NBAS: variants seen among roughly 807,000 people sequenced by gnomAD.
NBAS encodes NBAS subunit of NRZ tethering complex.
Under a neutral mutation model 302.5 loss-of-function variants are expected in NBAS, and 219 were observed. The observed-to-expected ratio is 0.72, with a 90% CI of 0.65 to 0.81. The LOEUF is 0.81. NBAS is among the 30% of genes least tolerant of loss of function. The pLI is 0.00. For missense variants in NBAS, 2,932 were observed against 2,841.6 expected (o/e 1.03, Z -0.72); for synonymous variants, 1,118 against 1,021.6 (o/e 1.09, Z -1.80).
At chr2:14,962,305 C>T in the NBAS span, among the ~76,000 whole-genome samples, 1 of 152,138 alleles carries the variant, frequency 6.6e-6, no homozygotes, top group Non-Finnish European at 1.5e-5. Flanking sequence ...CCACCACGGA[C>T]AGCTCAGAGG....
chr2:15,261,073 C>A (rs1668830458), intron 44 of NBAS, among the ~76,000 whole-genome samples: 1 of 152,144 alleles, frequency 6.6e-6, no homozygotes, highest in South Asian at 2.1e-4. Flanking sequence ...CTTGCAGGAG[C>A]CAGCAAACAT....
rs142283606 is a variant in NBAS, at chr2:15,539,223, C to T, written c.513G>A (p.Pro171=). 2.5e-6 allele frequency: 4 copies of T among 1,614,112 alleles called. No homozygotes were observed. The highest frequency in any genetic ancestry group is 3.4e-6 in the Non-Finnish European group (4 of 1,180,006). ...LMGSELFVIS[P]ASSFIGDLSY... ...TTTTCAATTTAAGCTATGTACATAC[C>T]GGGGAAATGACAAAGAGTTCACTTC... Residue 171 remains proline, a splice_region_variant and synonymous_variant, in exon 7 of 52, where the codon CCG becomes CCA. Transcript: ENST00000281513.
chr2:14,849,002 T>C, the NBAS span, among the ~76,000 whole-genome samples: 1 of 150,538 alleles, frequency 6.6e-6, no homozygotes, highest in East Asian at 1.9e-4. Context: ...AACTGGAAAC[T>C]CTAAAACGCA....
At chr2:15,408,616 T>C (rs1376811605) in intron 25 of NBAS, among the ~76,000 whole-genome samples, 1 of 152,204 alleles carries the variant, frequency 6.6e-6, no homozygotes, top group African/African-American at 2.4e-5. Context: ...CTTTTTTACA[T>C]TCACATTTGA....
intron 6 of NBAS, among the ~76,000 whole-genome samples, chr2:15,550,414 C>T (rs1664320548): frequency 6.6e-6 from 1 of 152,130 alleles, no homozygotes; most frequent in South Asian, 2.1e-4. Flanking sequence ...AAATGTTTGT[C>T]ATCAACACAA....
chr2:15,483,560 A>G (rs1680514200), intron 12 of NBAS, among the ~76,000 whole-genome samples: 1 of 152,236 alleles, frequency 6.6e-6, no homozygotes. Context: ...CAATTTTACT[A>G]TATTCCAGAC....
chr2:15,079,198 T>C, the NBAS span, among the ~76,000 whole-genome samples: 1 of 152,074 alleles, frequency 6.6e-6, no homozygotes, highest in African/African-American at 2.4e-5. Flanking sequence ...CTGACCAAGC[T>C]TGGTTCTTCT....
At chr2:14,940,090 C>T in the NBAS span, among the ~76,000 whole-genome samples, 1 of 152,056 alleles carries the variant, frequency 6.6e-6, no homozygotes. Flanking sequence ...ACTAGTTTAC[C>T]CCCTACAGTA....
At chr2:14,818,960 C>A in the NBAS span, among the ~76,000 whole-genome samples, 1 of 152,200 alleles carries the variant, frequency 6.6e-6, no homozygotes, top group Admixed American at 6.5e-5. Flanking sequence ...TCTACTCATT[C>A]TTCAAGACTA....
chr2:15,263,344 T>A (rs527958031), intron 44 of NBAS, among the ~76,000 whole-genome samples: 1 of 152,256 alleles, frequency 6.6e-6, no homozygotes, highest in South Asian at 2.1e-4. Flanking sequence ...TCCGCCCGCT[T>A]CAGCTTCCCA....
At chr2:15,259,062 G>A (rs1668733707) in intron 44 of NBAS, among the ~76,000 whole-genome samples, 1 of 152,034 alleles carries the variant, frequency 6.6e-6, no homozygotes, top group Non-Finnish European at 1.5e-5. Context: ...TTGAAATATT[G>A]GGGGTGGGTT....
chr2:14,978,986 T>A, the NBAS span, among the ~76,000 whole-genome samples: 1 of 152,208 alleles, frequency 6.6e-6, no homozygotes, highest in African/African-American at 2.4e-5. Flanking sequence ...CATGGAGAGC[T>A]ATTTTCTGCT....
the NBAS span, among the ~76,000 whole-genome samples, chr2:14,930,523 G>A: frequency 6.6e-6 from 1 of 152,184 alleles, no homozygotes; most frequent in Non-Finnish European, 1.5e-5. Flanking sequence ...ATATCTGATA[G>A]AACAGAATTG....
chr2:15,363,197 C>T (rs1369739030), intron 32 of NBAS, among the ~76,000 whole-genome samples: 1 of 152,200 alleles, frequency 6.6e-6, no homozygotes, highest in Non-Finnish European at 1.5e-5. Context: ...TGACTGACTG[C>T]CTATGGATTT....
rs141724661 is a variant in NBAS, at chr2:15,467,370, G to A, written c.2056C>T (p.Arg686Trp). ...LEQKELCRCR[R>W]KLLTYLDRLA... Reference sequence around the variant, plus strand: ...CGATCTAAGTAGGTTAATAACTTCCGTCTACAACGGCAAAGTTCCTTTTGT... The same window carrying A: ...CGATCTAAGTAGGTTAATAACTTCCATCTACAACGGCAAAGTTCCTTTTGT... Residue 686 changes from arginine (R) to tryptophan (W), a missense_variant, in exon 19 of 52, where the codon CGG becomes TGG. Transcript: ENST00000281513. The A allele has an allele frequency of 3.0e-4, 476 of 1,613,476 alleles. No homozygotes were observed. Among genetic ancestry groups the A allele is most frequent in the Admixed American group, 1.5e-3 (90 of 59,980 alleles).
At chr2:15,090,476 C>G in the NBAS span, among the ~76,000 whole-genome samples, 7,838 of 152,306 alleles carry the variant, frequency 0.051, 243 homozygotes, top group Non-Finnish European at 0.062. Flanking sequence ...CTGGCTTGAG[C>G]AAGCTATAAA....
intron 44 of NBAS, among the ~76,000 whole-genome samples, chr2:15,247,936 C>T (rs1432020905): frequency 1.3e-5 from 2 of 152,092 alleles, no homozygotes; most frequent in Non-Finnish European, 2.9e-5. Context: ...TTGAACTCAG[C>T]TCTGGACCAA....
chr2:14,877,823 G>A, the NBAS span, among the ~76,000 whole-genome samples: 2 of 152,136 alleles, frequency 1.3e-5, no homozygotes, highest in African/African-American at 4.8e-5. Context: ...CGCAAGATAT[G>A]AGACTCTTTT....
At chr2:15,362,815 A>C (rs1332765908) in intron 32 of NBAS, among the ~76,000 whole-genome samples, 1 of 152,200 alleles carries the variant, frequency 6.6e-6, no homozygotes, top group African/African-American at 2.4e-5. Context: ...TGCAGATATA[A>C]TTAAATACGG....
Sources: gnomAD v4.1 joint callset for allele counts (sites outside exome capture counted in the v4.1 genomes callset) on GRCh38, gnomAD v4.1.1 for gene constraint, MANE v1.5 for transcripts, NCBI Gene and HGNC (gene_info 2026-07-23, HGNC 2026-07-21) for gene names.